JAK3: variants seen among roughly 807,000 people sequenced by gnomAD.
JAK3 encodes Janus kinase 3, also known as tyrosine-protein kinase JAK3.
In JAK3, 88 loss-of-function variants were observed where a neutral mutation model predicts 120.8. The ratio of observed to expected loss-of-function variants is 0.73; its 90% CI spans 0.61 to 0.87. JAK3 has a LOEUF of 0.87. Among genes scored for constraint, JAK3 ranks in the 40% least tolerant of loss-of-function variants. JAK3 has a pLI of 0.00. For missense variants in JAK3, 1,254 were observed against 1,501.4 expected (o/e 0.84, Z 2.72); for synonymous variants, 592 against 628.6 (o/e 0.94, Z 0.87).
At position 17,843,577 on chromosome 19, in the gene JAK3, C is replaced by T; in HGVS notation, c.309-86G>A. On this transcript the variant is annotated intron_variant, in intron 3 of 23. Transcript: ENST00000458235. This position sits in a 1 kb window ranked among gnomAD's most constrained non-coding sequence, Gnocchi z 5.4. ...TTATGGTGGGGGCGAGGGACAGATT[C>T]TGCGGAGGCCTCACAGAGCCCAGCT... The T allele has an allele frequency of 8.4e-7, 1 of 1,189,374 alleles. No individual in the cohort carries two copies. Among genetic ancestry groups the T allele is most frequent in the East Asian group, 2.4e-5 (1 of 41,364 alleles). 73.7% of individuals were successfully genotyped at this position (1,189,374 alleles called of 1,614,324 possible). A position where few individuals can be genotyped will look rare whatever the true frequency, so the allele number is the denominator to read the frequency against.
rs536487707 is a variant in JAK3, at chr19:17,830,729, C to T, written c.2979-109G>A. ...GGGTAGGTGGGGACTGTGAGCAGGT[C>T]AGTCCCGTCTCCAGGGTCTCGGTTT... On this transcript the variant is annotated intron_variant, in intron 21 of 23. Transcript: ENST00000458235. 262 of 839,960 alleles carry T rather than the reference C, an allele frequency of 3.1e-4. No individual in the cohort carries two copies. In the African/African-American group the frequency reaches 3.8e-3, roughly 12 times the overall value. The allele number at this position is 839,960 out of a possible 1,614,324, so 52.0% of individuals were successfully genotyped here. A position where few individuals can be genotyped will look rare whatever the true frequency, so the allele number is the denominator to read the frequency against.
At chr19:17,838,193 G>A (rs2094229000) in intron 11 of JAK3, 70 bp downstream of exon 11, 1 of 1,611,628 alleles carries the variant, frequency 6.2e-7, no homozygotes, top group Admixed American at 1.7e-5. Context: ...TATAGCATAT[G>A]CCTGAGGCCA....
In JAK3 at chr19:17,843,930, C is replaced by G. The variant is rs201336762; in HGVS notation, c.185-30G>C. 6.2e-7 allele frequency: 1 copy of G among 1,612,716 alleles called. No homozygotes were observed. The highest frequency in any genetic ancestry group is 8.5e-7 in the Non-Finnish European group (1 of 1,179,550). On this transcript the variant is annotated intron_variant, in intron 2 of 23. Transcript: ENST00000458235. The surrounding 1 kb of genome is among the most constrained non-coding windows in gnomAD (Gnocchi z 5.4). ...AGGGGATGGTCCCATCAGCTCCCTC[C>G]TGAGTCACCCCATCTGTGCCCTTCA...
rs202097488 is a variant in JAK3, at chr19:17,826,798, G to A, written c.3320C>T (p.Thr1107Ile). ...CTCTGGGTGAGCAGTGAAGGCATGA[G>A]TCTCACACCCCCGGCTTCCGCTCCA... Reference protein sequence around the residue: ...MLWSGSRGCETHAFTAHPEGK... With the variant: ...MLWSGSRGCEIHAFTAHPEGK... Residue 1107 changes from threonine to isoleucine, a missense_variant, in exon 24 of 24, where the codon ACT becomes ATT. Coordinates refer to ENST00000458235, the MANE Select transcript of JAK3 (RefSeq NM_000215.4). 1.1e-5 allele frequency: 17 copies of A among 1,614,130 alleles called. 1 individual carries two copies. In the South Asian group the frequency reaches 1.6e-4, roughly 16 times the overall value.
intron 10 of JAK3, among the ~76,000 whole-genome samples, chr19:17,838,712 ATTTTTTTT>A (rs35486965): frequency 1.0e-5 from 1 of 99,336 alleles, no homozygotes; most frequent in Non-Finnish European, 2.1e-5. Context: ...TGCCCGGCTA[ATTTTTTTT>A]TTTTTTTTTT....
At position 17,830,188 on chromosome 19, in the gene JAK3, C is replaced by A; in HGVS notation, c.3127G>T (p.Asp1043Tyr). ...EFLRMMGCER[D>Y]VPALCRLLEL... ...AAGAGGCGGCAGAGGGCGGGGACAT[C>A]CCGCTCACATCCCATCATCCGCAGG... The change falls in exon 23 of 24, where the codon GAT becomes TAT. Residue 1043 changes from aspartate to tyrosine, a missense_variant. By Grantham distance (160) the Asp-to-Tyr change is radical. Transcript: ENST00000458235. 6.3e-7 allele frequency: 1 copy of A among 1,590,662 alleles called. No individual in the cohort carries two copies. Among genetic ancestry groups the A allele is most frequent in the Non-Finnish European group, 8.5e-7 (1 of 1,169,882 alleles).
chr19:17,836,737 A>T (rs3212760), intron 13 of JAK3: 2 of 432,622 alleles, frequency 4.6e-6, no homozygotes, highest in Non-Finnish European at 8.7e-6. Context: ...CTCTCTGACC[A>T]TCCACAGTGC....
Position 17,842,835 on chromosome 19 carries a change from TG to T in JAK3, c.566+191del. 2 of 886,970 alleles carry T rather than the reference TG, an allele frequency of 2.3e-6. No individual in the cohort carries two copies. Among genetic ancestry groups the T allele is most frequent in the Non-Finnish European group, 3.5e-6 (2 of 574,026 alleles). The allele number at this position is 886,970 out of a possible 1,614,324, so 54.9% of individuals were successfully genotyped here. A position where few individuals can be genotyped will look rare whatever the true frequency, so the allele number is the denominator to read the frequency against. Reference sequence around the variant, plus strand: ...ACAGGGACCCCACAGGCCTTTTAGCTGGGGGAGGTCAGGTGTCTGTCCAGCT... The same window carrying T: ...ACAGGGACCCCACAGGCCTTTTAGCTGGGGAGGTCAGGTGTCTGTCCAGCT... On this transcript the variant is annotated intron_variant, in intron 5 of 23. Transcript: ENST00000458235. This position sits in a 1 kb window ranked among gnomAD's most constrained non-coding sequence, Gnocchi z 6.4.
chr19:17,828,486 T>A (rs376622664), intron 23 of JAK3, among the ~76,000 whole-genome samples: 1 of 101,208 alleles, frequency 9.9e-6, no homozygotes, highest in South Asian at 3.1e-4. Context: ...AACTCCTGGG[T>A]TCCAGTGATC....
At position 17,839,476 on chromosome 19, in the gene JAK3, C is replaced by A. The variant is rs1267244210; in HGVS notation, c.1441+1G>T. The A allele has an allele frequency of 1.3e-6, 2 of 1,575,992 alleles. No individual in the cohort carries two copies. Among genetic ancestry groups the A allele is most frequent in the Non-Finnish European group, 1.7e-6 (2 of 1,159,744 alleles). ...TCATTCCAGGGGAGGAAGGGGCTCA[C>A]CTTTGGGTCTGGGGATACAGCAGGA... On this transcript the variant is annotated splice_donor_variant, in intron 10 of 23. Coordinates refer to ENST00000458235, the MANE Select transcript of JAK3 (RefSeq NM_000215.4). LOFTEE classifies it high-confidence loss of function.
rs892940250 is a variant in JAK3, at chr19:17,832,171, A to G, written c.2680+348T>C. 1.3e-5 allele frequency among the ~76,000 whole-genome samples: 2 copies of G among 152,166 alleles called. No homozygotes were observed. The highest frequency in any genetic ancestry group is 1.5e-5 in the Non-Finnish European group (1 of 68,032). On this transcript the variant is annotated intron_variant, in intron 19 of 23. Transcript: ENST00000458235. The surrounding 1 kb of genome is among the most constrained non-coding windows in gnomAD (Gnocchi z 4.7). ...CAGCTACTCTGGAGGCTGAGGCAGG[A>G]GAATCACTTGAACTTGGAAGGCAGA...
intron 1 of JAK3, among the ~76,000 whole-genome samples, chr19:17,846,375 C>G (rs1416290073): frequency 3.3e-5 from 5 of 152,146 alleles, no homozygotes; most frequent in African/African-American, 1.2e-4. Flanking sequence ...GAAGGGAAGT[C>G]TTGTGGGGGA....
In JAK3 at chr19:17,831,733, G is replaced by C. The variant is rs375807308; in HGVS notation, c.2746C>G (p.Arg916Gly). 2 of 1,612,270 alleles carry C rather than the reference G, an allele frequency of 1.2e-6. No individual in the cohort carries two copies. The highest frequency in any genetic ancestry group is 1.7e-6 in the Non-Finnish European group (2 of 1,179,702). Residue 916 changes from arginine to glycine, a missense_variant, in exon 20 of 24, where the codon CGG becomes GGG. Arg to Gly is a moderately radical substitution (Grantham distance 125). Coordinates refer to ENST00000458235, the MANE Select transcript of JAK3 (RefSeq NM_000215.4). This position sits in a 1 kb window ranked among gnomAD's most constrained non-coding sequence, Gnocchi z 5.1. ...CTGGCATCGAGGCGCGCGCGGTGCC[G>C]CTGCAGGAAGTCGCGCAAGCAGCCG... ...PSGCLRDFLQ[R>G]HRARLDASRL...
At chr19:17,834,794 GTC>G in intron 16 of JAK3, 56 bp downstream of exon 16, 1 of 1,613,706 alleles carries the variant, frequency 6.2e-7, no homozygotes, top group Non-Finnish European at 8.5e-7. Flanking sequence ...CTGGATGTCA[GTC>G]TGCCCTTCTG....
intron 12 of JAK3, among the ~76,000 whole-genome samples, 198 bp downstream of exon 12, chr19:17,837,734 C>T (rs567309042): frequency 6.6e-6 from 1 of 151,502 alleles, no homozygotes; most frequent in South Asian, 2.1e-4. Context: ...TTTGTCAAGA[C>T]GAGGTCTCGC....
intron 1 of JAK3, among the ~76,000 whole-genome samples, chr19:17,846,783 C>G (rs2094253083): frequency 6.6e-6 from 1 of 152,178 alleles, no homozygotes; most frequent in Non-Finnish European, 1.5e-5. Context: ...CGGAGTTTCA[C>G]CATGTTGGCC....
intron 23 of JAK3, 85 bp downstream of exon 23, chr19:17,830,023 C>T (rs2094210857): frequency 1.0e-6 from 1 of 959,890 alleles, no homozygotes; most frequent in Non-Finnish European, 1.6e-6. Context: ...CTTCTCAGTA[C>T]AGAGACTCAG....
Position 17,832,647 on chromosome 19 carries a change from A to G in JAK3, c.2552T>C (p.Leu851Pro), listed in dbSNP as rs770825375. ...YDPLGDNTGA[L>P]VAVKQLQHSG... is the part of the protein sequence containing the mutation. ...GTGCTGCAGCTGTTTCACGGCCACC[A>G]GGGCACCTGTATTGTCGCCTAGCGG... The change falls in exon 19 of 24, where the codon CTG (leucine) becomes CCG (proline). Residue 851 changes from leucine to proline, a missense_variant. By Grantham distance (98) the Leu-to-Pro change is moderately conservative. Coordinates refer to ENST00000458235, the MANE Select transcript of JAK3 (RefSeq NM_000215.4). The surrounding 1 kb of genome is among the most constrained non-coding windows in gnomAD (Gnocchi z 4.7). 1.9e-6 allele frequency: 3 copies of G among 1,614,238 alleles called. No homozygotes were observed. Among genetic ancestry groups the G allele is most frequent in the Non-Finnish European group, 2.5e-6 (3 of 1,180,036 alleles).
chr19:17,847,752 A>C (rs891096829), intron 1 of JAK3, among the ~76,000 whole-genome samples, 194 bp downstream of exon 1: 7 of 152,160 alleles, frequency 4.6e-5, no homozygotes, highest in Non-Finnish European at 8.8e-5. Context: ...GCCTTAGTCA[A>C]AGCCGAAGCC....
Sources: gnomAD v4.1 joint callset for allele counts (sites outside exome capture counted in the v4.1 genomes callset) on GRCh38, gnomAD v4.1.1 for gene constraint, Gnocchi (gnomAD v3.1) non-coding constraint, MANE v1.5 for transcripts, NCBI Gene and HGNC (gene_info 2026-07-23, HGNC 2026-07-21) for gene names.